The following WBP1L variants were observed in gnomAD, a reference collection of about 807,000 sequenced individuals.
WBP1L encodes the protein WW domain binding protein 1 like.
In WBP1L, 17 loss-of-function variants were observed where a neutral mutation model predicts 33.7. The ratio of observed to expected loss-of-function variants is 0.50; its 90% CI spans 0.34 to 0.76. The LOEUF is 0.76. Among genes scored for constraint, WBP1L ranks in the 30% least tolerant of loss-of-function variants. The probability of loss-of-function intolerance (pLI) is 0.01; values close to 1 mark genes in which losing one functional copy is unlikely to be tolerated. For missense variants in WBP1L, 389 were observed against 469.4 expected (o/e 0.83, Z 1.58); for synonymous variants, 173 against 190.8 (o/e 0.91, Z 0.77).
In WBP1L at chr10:102,770,486, C is replaced by T. The variant is rs537616709; in HGVS notation, c.90+26343C>T. On this transcript the variant is annotated intron_variant, in intron 1 of 3. Coordinates refer to ENST00000448841, the MANE Select transcript of WBP1L (RefSeq NM_001083913.2). ...GATCCCTTGATTGTAAAATAAGATA[C>T]CCCTAGACCTTCAGCCCTAGTCGCC... 2.4e-4 allele frequency among the ~76,000 whole-genome samples: 36 copies of T among 152,288 alleles called. No individual in the cohort carries two copies. In the Middle Eastern group the frequency reaches 0.01, roughly 43 times the overall value.
chr10:102,760,376 C>CTTTTTTTTTTTTT (rs71019612), intron 1 of WBP1L, among the ~76,000 whole-genome samples: 2 of 96,216 alleles, frequency 2.1e-5, no homozygotes, highest in Non-Finnish European at 3.7e-5. Flanking sequence ...TTCTTTCTTT[C>CTTTTTTTTTTTTT]TTTTTTTTTT....
In WBP1L at chr10:102,755,481, T is replaced by A. The variant is rs530853710; in HGVS notation, c.90+11338T>A. On this transcript the variant is annotated intron_variant, in intron 1 of 3. Transcript: ENST00000448841. ...ATCTTGGCTTACTGCAACCTCCGCC[T>A]CCTGGGTACAAGTGATTCTCCTGCC... 5.9e-5 allele frequency among the ~76,000 whole-genome samples: 9 copies of A among 152,140 alleles called. No individual in the cohort carries two copies. In the East Asian group the frequency reaches 1.8e-3, roughly 30 times the overall value.
At chr10:102,760,376 C>CTTTTTT (rs71019612) in intron 1 of WBP1L, among the ~76,000 whole-genome samples, 1 of 96,212 alleles carries the variant, frequency 1.0e-5, no homozygotes, top group Non-Finnish European at 1.8e-5. Flanking sequence ...TTCTTTCTTT[C>CTTTTTT]TTTTTTTTTT....
At chr10:102,758,132 G>A (rs1176156399) in intron 1 of WBP1L, among the ~76,000 whole-genome samples, 1 of 151,466 alleles carries the variant, frequency 6.6e-6, no homozygotes, top group Admixed American at 6.6e-5. Context: ...TGATCCACCC[G>A]CCTCGGCCTC....
intron 1 of WBP1L, chr10:102,776,039 G>A (rs779891232): frequency 6.3e-6 from 6 of 956,048 alleles, no homozygotes; most frequent in African/African-American, 3.5e-5. Flanking sequence ...GGGCATCGCG[G>A]GTCTGCAGCA....
chr10:102,749,049 G>A (rs1842897677), intron 1 of WBP1L, among the ~76,000 whole-genome samples: 1 of 152,140 alleles, frequency 6.6e-6, no homozygotes, highest in Admixed American at 6.5e-5. Flanking sequence ...AAGAGAGGCT[G>A]TTGTCACATG....
intron 1 of WBP1L, among the ~76,000 whole-genome samples, chr10:102,769,728 AC>A (rs1378869297): frequency 1.3e-5 from 2 of 152,184 alleles, no homozygotes; most frequent in East Asian, 3.8e-4. Flanking sequence ...TGAACGAGTT[AC>A]CTAACGTCAC....
intron 1 of WBP1L, among the ~76,000 whole-genome samples, chr10:102,784,587 G>T (rs572984268): frequency 2.0e-5 from 3 of 151,520 alleles, no homozygotes; most frequent in Non-Finnish European, 4.4e-5. Context: ...CACCACACCC[G>T]GCTAATTTTT....
intron 1 of WBP1L, among the ~76,000 whole-genome samples, chr10:102,765,030 A>G (rs2134034311): frequency 1.3e-5 from 2 of 152,272 alleles, no homozygotes; most frequent in Middle Eastern, 6.8e-3. Flanking sequence ...TGCTTTTGAG[A>G]TGATTGAAGT....
chr10:102,791,733 T>C (rs1272865386), intron 1 of WBP1L, among the ~76,000 whole-genome samples: 1 of 152,244 alleles, frequency 6.6e-6, no homozygotes, highest in African/African-American at 2.4e-5. Flanking sequence ...TTTGGTGTCC[T>C]GTGCTTTAGC....
intron 2 of WBP1L, among the ~76,000 whole-genome samples, chr10:102,802,314 G>C (rs1253135530): frequency 6.7e-6 from 1 of 149,682 alleles, no homozygotes; most frequent in Non-Finnish European, 1.5e-5. Context: ...TCTAATTTTT[G>C]TATTTTTTTG....
At chr10:102,771,091 C>T (rs954441708) in intron 1 of WBP1L, among the ~76,000 whole-genome samples, 8 of 152,170 alleles carry the variant, frequency 5.3e-5, no homozygotes, top group African/African-American at 1.4e-4. Context: ...GAGTCTGGCT[C>T]ATGGTCAGGG....
chr10:102,775,772 GC>G (rs1201660790), intron 1 of WBP1L, among the ~76,000 whole-genome samples: 1 of 152,148 alleles, frequency 6.6e-6, no homozygotes, highest in Non-Finnish European at 1.5e-5. Flanking sequence ...ACCGACTCTG[GC>G]AGGGGTGGGG....
intron 1 of WBP1L, among the ~76,000 whole-genome samples, chr10:102,790,234 T>C (rs1208261789): frequency 6.6e-6 from 1 of 152,196 alleles, no homozygotes; most frequent in Non-Finnish European, 1.5e-5. Context: ...CTTGGTCTCC[T>C]CTCTGTGTGA....
At chr10:102,746,702 T>C (rs1842867296) in intron 1 of WBP1L, among the ~76,000 whole-genome samples, 1 of 152,128 alleles carries the variant, frequency 6.6e-6, no homozygotes, top group Admixed American at 6.6e-5. Context: ...TAAGTACCCA[T>C]GGTCCTTAAT....
intron 2 of WBP1L, among the ~76,000 whole-genome samples, chr10:102,802,113 C>CTCCTTCCTTCCTTCCT (rs35674135): frequency 7.2e-4 from 49 of 67,970 alleles, no homozygotes; most frequent in African/African-American, 2.2e-3. Flanking sequence ...CTTCCACCTT[C>CTCCTTCCTTCCTTCCT]TCCTTCCTTC....
intron 3 of WBP1L, among the ~76,000 whole-genome samples, chr10:102,810,547 T>A (rs1843821258): frequency 1.8e-5 from 2 of 111,626 alleles, no homozygotes; most frequent in Non-Finnish European, 1.8e-5. Context: ...CCTCCCTCCC[T>A]CTCTCTCTCT....
chr10:102,753,506 G>A (rs1042154544), intron 1 of WBP1L, among the ~76,000 whole-genome samples: 1 of 152,104 alleles, frequency 6.6e-6, no homozygotes, highest in Non-Finnish European at 1.5e-5. Context: ...CCTGATCTGG[G>A]GATTAAGTAG....
In WBP1L at chr10:102,805,579, C is replaced by T. The variant is rs763234708; in HGVS notation, c.194-4314C>T. ...CGCCAAGCAGATGCTGATTACCTAA[C>T]GGGAGAATGTACTTTTAAAATTTTA... On this transcript the variant is annotated intron_variant, in intron 2 of 3. Coordinates refer to ENST00000448841, the MANE Select transcript of WBP1L (RefSeq NM_001083913.2). Among the ~76,000 whole-genome samples, 8 of 152,026 alleles carry T rather than the reference C, an allele frequency of 5.3e-5. 1 individual carries two copies. In the Middle Eastern group the frequency reaches 0.014, roughly 259 times the overall value.
Sources: gnomAD v4.1 joint callset for allele counts (sites outside exome capture counted in the v4.1 genomes callset) on GRCh38, gnomAD v4.1.1 for gene constraint, MANE v1.5 for transcripts, NCBI Gene and HGNC (gene_info 2026-07-23, HGNC 2026-07-21) for gene names.